The following CDH12 variants were observed in gnomAD, a reference collection of about 807,000 sequenced individuals.
CDH12 encodes cadherin-12.
Under a neutral mutation model 74.1 loss-of-function variants are expected in CDH12, and 41 were observed. The observed-to-expected ratio is 0.55, with a 90% CI of 0.43 to 0.72. CDH12 has a LOEUF of 0.72. Among genes scored for constraint, CDH12 ranks in the 30% least tolerant of loss-of-function variants. The pLI, the probability that CDH12 is intolerant of heterozygous loss-of-function variation, is 0.00. For synonymous variants in CDH12, 399 were observed against 355.0 expected (o/e 1.12, Z -1.39); for missense variants, 945 against 977.2 (o/e 0.97, Z 0.44).
chr5:21,959,608 T>C (rs1325369889), intron 6 of CDH12, among the ~76,000 whole-genome samples: 1 of 151,130 alleles, frequency 6.6e-6, no homozygotes, highest in Non-Finnish European at 1.5e-5. Context: ...ACCAACAAAG[T>C]TCAAAAAAGA....
At chr5:22,748,927 A>G (rs1745421863) in intron 1 of CDH12, among the ~76,000 whole-genome samples, 2 of 152,190 alleles carry the variant, frequency 1.3e-5, no homozygotes, top group Non-Finnish European at 2.9e-5. Flanking sequence ...CTGGAGTCAC[A>G]ATACCTGTCC....
Position 21,927,288 on chromosome 5 carries a change from ATAT to A in CDH12, c.526+47800_526+47802del, listed in dbSNP as rs759548621. 3.3e-5 allele frequency among the ~76,000 whole-genome samples: 5 copies of A among 152,156 alleles called. No homozygotes were observed. In the South Asian group the frequency reaches 6.2e-4, roughly 19 times the overall value. ...AGATGGAAGAGATTAAAAGTGAAAA[ATAT>A]TATAATAAATCAGGCCGGGCACGGT... On this transcript the variant is annotated intron_variant, in intron 6 of 14. Coordinates refer to ENST00000382254, the MANE Select transcript of CDH12 (RefSeq NM_004061.5).
At chr5:22,713,374 C>T (rs1457741735) in intron 1 of CDH12, among the ~76,000 whole-genome samples, 1 of 151,750 alleles carries the variant, frequency 6.6e-6, no homozygotes, top group African/African-American at 2.4e-5. Context: ...ATCTCTTGAC[C>T]TCATGATCTG....
chr5:22,020,048 G>C lies in CDH12; in HGVS notation c.232-44663C>G, dbSNP rs117859169. Among the ~76,000 whole-genome samples the C allele has an allele frequency of 7.0e-4, 106 of 152,292 alleles. 2 individuals carry two copies. The East Asian group carries it at 0.019, about 28-fold the overall frequency. Reference sequence around the variant, plus strand: ...AAAGCATAGGAGGCTAGGAGGACTGGAAGAATCTTCTGGAAGTGCTAAGTA... The same window carrying C: ...AAAGCATAGGAGGCTAGGAGGACTGCAAGAATCTTCTGGAAGTGCTAAGTA... On this transcript the variant is annotated intron_variant, in intron 5 of 14. Transcript: ENST00000382254.
At chr5:22,191,807 G>T (rs969413437) in intron 4 of CDH12, among the ~76,000 whole-genome samples, 1 of 151,724 alleles carries the variant, frequency 6.6e-6, no homozygotes, top group African/African-American at 2.4e-5. Flanking sequence ...CTCGTGATCC[G>T]CCCGCCTCGG....
chr5:22,462,134 A>C (rs553948419), intron 2 of CDH12, among the ~76,000 whole-genome samples: 1 of 152,296 alleles, frequency 6.6e-6, no homozygotes, highest in East Asian at 1.9e-4. Context: ...AGAATAAAGA[A>C]TTTCTTAGAG....
At chr5:22,506,139 T>C (rs966152990) in intron 1 of CDH12, among the ~76,000 whole-genome samples, 1 of 152,138 alleles carries the variant, frequency 6.6e-6, no homozygotes, top group African/African-American at 2.4e-5. Context: ...TACTATAAAG[T>C]TCCTTTTGTT....
At chr5:22,147,112 T>C (rs1272106184) in intron 4 of CDH12, among the ~76,000 whole-genome samples, 3 of 152,214 alleles carry the variant, frequency 2.0e-5, no homozygotes, top group African/African-American at 4.8e-5. Flanking sequence ...TGATAATTAA[T>C]ATATTATTCT....
intron 1 of CDH12, among the ~76,000 whole-genome samples, chr5:22,521,137 T>C (rs755211057): frequency 6.6e-6 from 1 of 152,038 alleles, no homozygotes; most frequent in Non-Finnish European, 1.5e-5. Flanking sequence ...AAGATCTCTA[T>C]TGAAAGTGTT....
At position 22,693,949 on chromosome 5, in the gene CDH12, G is replaced by T. The variant is rs552402696; in HGVS notation, c.-523+159109C>A. ...AAAAAAATTATTTATTTATTTATTT[G>T]TTTATTGAGAGAAAGGATTTCACTC... On this transcript the variant is annotated intron_variant, in intron 1 of 14. Transcript: ENST00000382254. Among the ~76,000 whole-genome samples, 112 of 151,420 alleles carry T rather than the reference G, an allele frequency of 7.4e-4. 3 individuals carry two copies. In the Middle Eastern group the frequency reaches 0.014, roughly 18 times the overall value.
chr5:22,566,908 T>C (rs567787236), intron 1 of CDH12, among the ~76,000 whole-genome samples: 3 of 152,310 alleles, frequency 2.0e-5, no homozygotes, highest in Non-Finnish European at 4.4e-5. Flanking sequence ...GTACATTCTA[T>C]AGAGATTTTG....
In CDH12 at chr5:22,192,410, A is replaced by G. The variant is rs527391533; in HGVS notation, c.-187+20088T>C. ...ATGAGTTAACGAGGCTGGTGGCTGG[A>G]AATGAGAGAGCGTTTTCTGGTGAAT... On this transcript the variant is annotated intron_variant, in intron 4 of 14. Transcript: ENST00000382254. Among the ~76,000 whole-genome samples the G allele has an allele frequency of 2.0e-4, 31 of 152,330 alleles. No homozygotes were observed. The East Asian group carries it at 2.5e-3, about 12-fold the overall frequency.
intron 7 of CDH12, among the ~76,000 whole-genome samples, chr5:21,851,041 T>C (rs1395422188): frequency 6.6e-6 from 1 of 151,308 alleles, no homozygotes; most frequent in African/African-American, 2.4e-5. Flanking sequence ...TTTTATATTG[T>C]GTATATTTTA....
rs139348281 is a variant in CDH12 at position 22,510,351 on chromosome 5, G to A, written c.-522-4987C>T. ...TTGGAAACATAAAATTACCCTATCC[G>A]ATATAAAAAAATTGTTATAAAAATA... On this transcript the variant is annotated intron_variant, in intron 1 of 14. Transcript: ENST00000382254. 6.6e-3 allele frequency among the ~76,000 whole-genome samples: 1,008 copies of A among 152,014 alleles called. 11 individuals are homozygous for A. The highest frequency in any genetic ancestry group is 0.023 in the African/African-American group (958 of 41,460).
chr5:21,925,354 C>G (rs566817328), intron 6 of CDH12, among the ~76,000 whole-genome samples: 1 of 152,272 alleles, frequency 6.6e-6, no homozygotes, highest in African/African-American at 2.4e-5. Context: ...TCATTTAAGT[C>G]AATGAATAGA....
intron 1 of CDH12, among the ~76,000 whole-genome samples, chr5:22,701,657 A>G (rs1334332127): frequency 6.6e-6 from 1 of 152,072 alleles, no homozygotes; most frequent in Non-Finnish European, 1.5e-5. Flanking sequence ...TTTTAGATCA[A>G]TTTGGGAGGA....
chr5:22,335,657 C>G (rs1330404031), intron 3 of CDH12, among the ~76,000 whole-genome samples: 1 of 151,980 alleles, frequency 6.6e-6, no homozygotes, highest in African/African-American at 2.4e-5. Flanking sequence ...CTGCTGCTAT[C>G]CATGTAAAAC....
intron 6 of CDH12, among the ~76,000 whole-genome samples, chr5:21,928,018 G>A (rs928831971): frequency 7.9e-5 from 12 of 151,762 alleles, no homozygotes; most frequent in Non-Finnish European, 1.5e-4. Flanking sequence ...CTTGCAATGA[G>A]CCCAGATCTC....
At chr5:22,227,256 T>C (rs10056210) in intron 3 of CDH12, among the ~76,000 whole-genome samples, 75,588 of 151,732 alleles carry the variant, frequency 0.5, 19,320 homozygotes, top group African/African-American at 0.6. Flanking sequence ...GTAAGTGTTC[T>C]ACCATAATGA....
Sources: gnomAD v4.1 joint callset for allele counts (sites outside exome capture counted in the v4.1 genomes callset) on GRCh38, gnomAD v4.1.1 for gene constraint, MANE v1.5 for transcripts, NCBI Gene and HGNC (gene_info 2026-07-23, HGNC 2026-07-21) for gene names.